ADGRB3: variants seen among roughly 807,000 people sequenced by gnomAD.
ADGRB3 encodes brain-specific angiogenesis inhibitor 3.
Under a neutral mutation model 193.4 loss-of-function variants are expected in ADGRB3, and 37 were observed. The observed-to-expected ratio is 0.19, with a 90% CI of 0.15 to 0.25. The LOEUF is 0.25. Among genes scored for constraint, ADGRB3 ranks in the 10% least tolerant of loss-of-function variants. The probability of loss-of-function intolerance (pLI) is 1.00; values close to 1 mark genes in which losing one functional copy is unlikely to be tolerated. For missense variants in ADGRB3, 1,637 were observed against 1,852.9 expected, an observed-to-expected ratio of 0.88 and a Z score of 2.14; for synonymous variants, 690 against 644.2, an observed-to-expected ratio of 1.07 and a Z score of -1.08.
intron 3 of ADGRB3, among the ~76,000 whole-genome samples, chr6:68,674,910 G>A (rs778705853): frequency 2.0e-5 from 3 of 152,148 alleles, no homozygotes; most frequent in East Asian, 1.9e-4. Context: ...CATACTCAGC[G>A]TTCATAGGTT....
intron 3 of ADGRB3, among the ~76,000 whole-genome samples, chr6:68,711,633 A>G (rs532632290): frequency 1.3e-5 from 2 of 152,136 alleles, no homozygotes; most frequent in South Asian, 4.1e-4. Flanking sequence ...AACAAAGCTA[A>G]TTACATTTTA....
At chr6:68,924,810 T>C (rs1423225543) in intron 3 of ADGRB3, among the ~76,000 whole-genome samples, 1 of 151,982 alleles carries the variant, frequency 6.6e-6, no homozygotes, top group African/African-American at 2.4e-5. Flanking sequence ...CAAGAAATAA[T>C]AAGAAAGAGC....
At chr6:69,169,755 G>A (rs1775226385) in intron 17 of ADGRB3, among the ~76,000 whole-genome samples, 1 of 152,078 alleles carries the variant, frequency 6.6e-6, no homozygotes, top group Non-Finnish European at 1.5e-5. Flanking sequence ...CCCAATTTAA[G>A]TGCTCAGGAA....
rs150352468 is a variant in ADGRB3, at chr6:69,359,652, A to T, written c.3596-1217A>T. Among the ~76,000 whole-genome samples the T allele has an allele frequency of 4.1e-3, 630 of 152,036 alleles. 2 individuals are homozygous for T. The highest frequency in any genetic ancestry group is 8.3e-3 in the South Asian group (40 of 4,828). ...TTTAATGAATAATAATTATGATTCT[A>T]CTTGAAAATTGGATAATAATGGAAA... On this transcript the variant is annotated intron_variant, in intron 28 of 31. Transcript: ENST00000370598.
chr6:68,846,463 A>C (rs1768276593), intron 3 of ADGRB3, among the ~76,000 whole-genome samples: 1 of 152,202 alleles, frequency 6.6e-6, no homozygotes, highest in African/African-American at 2.4e-5. Context: ...GATGCCCAGG[A>C]GGAAAAAATG....
chr6:68,927,304 C>T (rs1168970965), intron 3 of ADGRB3, among the ~76,000 whole-genome samples: 1 of 151,976 alleles, frequency 6.6e-6, no homozygotes, highest in African/African-American at 2.4e-5. Context: ...TCTTTGCCAA[C>T]TAAGAATCAT....
At chr6:69,270,872 T>G (rs1436187436) in intron 20 of ADGRB3, among the ~76,000 whole-genome samples, 1 of 152,258 alleles carries the variant, frequency 6.6e-6, no homozygotes. Context: ...TTTTATGGTA[T>G]ATGTGACCAG....
intron 10 of ADGRB3, among the ~76,000 whole-genome samples, chr6:68,978,701 A>G (rs1479830970): frequency 6.6e-6 from 1 of 151,462 alleles, no homozygotes; most frequent in Non-Finnish European, 1.5e-5. Flanking sequence ...TGTGATATAG[A>G]ACATTTGAGA....
At chr6:68,975,385 C>A in intron 10 of ADGRB3, 45 bp downstream of exon 10, 1 of 1,423,846 alleles carries the variant, frequency 7.0e-7, no homozygotes, top group Non-Finnish European at 9.9e-7. Flanking sequence ...TTATTTTTTG[C>A]TAATGATCAC....
intron 3 of ADGRB3, among the ~76,000 whole-genome samples, chr6:68,723,733 T>A (rs1308857345): frequency 1.3e-5 from 2 of 151,736 alleles, no homozygotes; most frequent in Non-Finnish European, 2.9e-5. Context: ...AAGACATTCT[T>A]TCAATACCTA....
chr6:68,777,465 A>G (rs965868278), intron 3 of ADGRB3, among the ~76,000 whole-genome samples: 21 of 152,102 alleles, frequency 1.4e-4, no homozygotes, highest in Non-Finnish European at 2.1e-4. Context: ...TGTATTAGAG[A>G]GCCAAAGTAA....
At chr6:68,748,443 G>T (rs1766127477) in intron 3 of ADGRB3, among the ~76,000 whole-genome samples, 1 of 152,282 alleles carries the variant, frequency 6.6e-6, no homozygotes. Context: ...CAGAGTTCAT[G>T]CAAGTCTGAA....
At chr6:69,242,622 A>G (rs1451979218) in intron 20 of ADGRB3, among the ~76,000 whole-genome samples, 1 of 152,016 alleles carries the variant, frequency 6.6e-6, no homozygotes. Context: ...ACAAGCTGAA[A>G]TAATCCATTG....
intron 3 of ADGRB3, among the ~76,000 whole-genome samples, chr6:68,831,590 G>T (rs1425181376): frequency 6.6e-6 from 1 of 152,122 alleles, no homozygotes; most frequent in Non-Finnish European, 1.5e-5. Context: ...GAGCTTGTGG[G>T]TGAGGAAACA....
intron 3 of ADGRB3, among the ~76,000 whole-genome samples, chr6:68,672,822 TGGGTA>T (rs1232352071): frequency 6.6e-6 from 1 of 152,086 alleles, no homozygotes; most frequent in Non-Finnish European, 1.5e-5. Flanking sequence ...CTCCATAATA[TGGGTA>T]GGCATCATCC....
chr6:68,688,466 A>AT (rs1249191120), intron 3 of ADGRB3, among the ~76,000 whole-genome samples: 1 of 152,198 alleles, frequency 6.6e-6, no homozygotes, highest in African/African-American at 2.4e-5. Context: ...AACATCAAGC[A>AT]TCTAGAGAAG....
At chr6:69,349,252 A>G (rs1769172058) in intron 26 of ADGRB3, among the ~76,000 whole-genome samples, 1 of 152,200 alleles carries the variant, frequency 6.6e-6, no homozygotes, top group South Asian at 2.1e-4. Flanking sequence ...TTTTCAGATC[A>G]TGGACATGAC....
At chr6:69,252,143 A>G (rs753691162) in intron 20 of ADGRB3, among the ~76,000 whole-genome samples, 2 of 152,126 alleles carry the variant, frequency 1.3e-5, no homozygotes, top group African/African-American at 2.4e-5. Context: ...TTTTATACAA[A>G]TGAAATCATA....
At chr6:68,924,915 T>G (rs1052731987) in intron 3 of ADGRB3, among the ~76,000 whole-genome samples, 1 of 151,818 alleles carries the variant, frequency 6.6e-6, no homozygotes, top group Non-Finnish European at 1.5e-5. Context: ...TATCCCAATA[T>G]TTATTAATTT....
Sources: gnomAD v4.1 joint callset for allele counts (sites outside exome capture counted in the v4.1 genomes callset) on GRCh38, gnomAD v4.1.1 for gene constraint, MANE v1.5 for transcripts, NCBI Gene and HGNC (gene_info 2026-07-23, HGNC 2026-07-21) for gene names.